FER: variants seen among roughly 807,000 people sequenced by gnomAD.
FER encodes the protein FER tyrosine kinase.
A neutral mutation model predicts 111.0 loss-of-function variants in FER; 63 were observed. The ratio of observed to expected loss-of-function variants is 0.57; its 90% CI spans 0.46 to 0.70. FER has a LOEUF of 0.70. Among genes scored for constraint, FER ranks in the 30% least tolerant of loss-of-function variants. FER has a pLI of 0.00. For missense variants in FER, 914 were observed against 954.0 expected, an observed-to-expected ratio of 0.96 and a Z score of 0.55; for synonymous variants, 327 against 313.9, an observed-to-expected ratio of 1.04 and a Z score of -0.44.
chr5:109,092,751 T>C (rs958420392), intron 16 of FER, among the ~76,000 whole-genome samples: 2 of 152,284 alleles, frequency 1.3e-5, no homozygotes, highest in Middle Eastern at 3.4e-3. Flanking sequence ...GCCATCCCAT[T>C]TCTGGATATA....
At chr5:109,098,231 A>C (rs1279632460) in intron 16 of FER, among the ~76,000 whole-genome samples, 1 of 151,830 alleles carries the variant, frequency 6.6e-6, no homozygotes, top group East Asian at 1.9e-4. Context: ...TTAATATATT[A>C]TGTACTATTA....
intron 2 of FER, among the ~76,000 whole-genome samples, chr5:108,769,897 T>C (rs143469595): frequency 1.3e-5 from 2 of 152,306 alleles, no homozygotes; most frequent in African/African-American, 4.8e-5. Flanking sequence ...ATTTGTAATA[T>C]ATACTAGTTA....
intron 2 of FER, among the ~76,000 whole-genome samples, chr5:108,789,493 A>C (rs1755110143): frequency 6.6e-6 from 1 of 151,968 alleles, no homozygotes; most frequent in Admixed American, 6.6e-5. Flanking sequence ...TGCCATTTCT[A>C]AGAAATTTTC....
intron 2 of FER, among the ~76,000 whole-genome samples, chr5:108,775,068 G>A (rs1435062297): frequency 6.6e-6 from 1 of 151,928 alleles, no homozygotes; most frequent in African/African-American, 2.4e-5. Context: ...TAATTTTTTT[G>A]TAGGGTGTAA....
At chr5:109,150,926 TGTTAA>T (rs1414002018) in intron 17 of FER, among the ~76,000 whole-genome samples, 2 of 152,130 alleles carry the variant, frequency 1.3e-5, no homozygotes, top group Non-Finnish European at 2.9e-5. Context: ...TACTAAATAA[TGTTAA>T]GTTAATCAAA....
intron 13 of FER, among the ~76,000 whole-genome samples, chr5:108,989,988 G>C (rs1333667446): frequency 6.6e-6 from 1 of 151,702 alleles, no homozygotes; most frequent in Admixed American, 6.6e-5. Context: ...AATACTTTTT[G>C]TGTCCCCCTA....
At chr5:108,752,974 G>A (rs1169220602) in intron 1 of FER, among the ~76,000 whole-genome samples, 2 of 151,460 alleles carry the variant, frequency 1.3e-5, no homozygotes, top group African/African-American at 4.9e-5. Context: ...TCAGATAATC[G>A]GGTTTTAGTT....
chr5:109,067,635 T>C (rs1775272810), intron 16 of FER, among the ~76,000 whole-genome samples: 2 of 152,170 alleles, frequency 1.3e-5, no homozygotes, highest in Admixed American at 1.3e-4. Flanking sequence ...CCTTGATAAT[T>C]AGTTTTCTAA....
intron 17 of FER, among the ~76,000 whole-genome samples, chr5:109,125,958 A>G (rs986257902): frequency 6.6e-6 from 1 of 151,972 alleles, no homozygotes; most frequent in African/African-American, 2.4e-5. Context: ...TGCTACATCC[A>G]CAGATGGCTG....
intron 16 of FER, among the ~76,000 whole-genome samples, chr5:109,072,525 T>C (rs755961458): frequency 6.6e-6 from 1 of 151,928 alleles, no homozygotes; most frequent in African/African-American, 2.4e-5. Flanking sequence ...TGAAATCTTA[T>C]GCCTTAATCA....
intron 13 of FER, among the ~76,000 whole-genome samples, chr5:109,009,454 A>G (rs539708753): frequency 6.6e-6 from 1 of 152,138 alleles, no homozygotes; most frequent in South Asian, 2.1e-4. Context: ...AAAAGCCTCT[A>G]CCCCTGACCA....
At chr5:109,042,408 T>C (rs184967837) in intron 14 of FER, among the ~76,000 whole-genome samples, 16 of 152,274 alleles carry the variant, frequency 1.1e-4, no homozygotes, top group Admixed American at 9.8e-4. Context: ...CGTTGAATGA[T>C]GATTGAATGA....
At chr5:108,908,720 C>CAAA (rs534004723) in intron 10 of FER, among the ~76,000 whole-genome samples, 2 of 69,640 alleles carry the variant, frequency 2.9e-5, no homozygotes, top group African/African-American at 4.3e-5. Flanking sequence ...GACTCCGTCT[C>CAAA]AAAAAAAAAA....
At chr5:108,805,773 T>A (rs1271843347) in intron 3 of FER, among the ~76,000 whole-genome samples, 6 of 152,134 alleles carry the variant, frequency 3.9e-5, no homozygotes, top group Non-Finnish European at 8.8e-5. Flanking sequence ...AGAAGAAATT[T>A]CTAAGCAGCA....
chr5:108,868,118 G>A (rs954702813), intron 6 of FER, among the ~76,000 whole-genome samples, 168 bp downstream of exon 6: 23 of 152,014 alleles, frequency 1.5e-4, no homozygotes, highest in African/African-American at 4.3e-4. Flanking sequence ...TTCAGTTTGT[G>A]CTTATCCCCT....
At chr5:108,828,560 A>G (rs1046640835) in intron 3 of FER, among the ~76,000 whole-genome samples, 1 of 152,098 alleles carries the variant, frequency 6.6e-6, no homozygotes, top group South Asian at 2.1e-4. Context: ...CCGTTTTGCA[A>G]ATTTTAACAG....
intron 2 of FER, among the ~76,000 whole-genome samples, chr5:108,797,498 G>T (rs1756163961): frequency 6.6e-6 from 1 of 152,134 alleles, no homozygotes; most frequent in African/African-American, 2.4e-5. Flanking sequence ...TCCTGGTTTT[G>T]CTTTCTGCTG....
intron 8 of FER, among the ~76,000 whole-genome samples, chr5:108,879,693 TA>T (rs59305064): frequency 0.039 from 4,517 of 116,622 alleles, 248 homozygotes; most frequent in Admixed American, 0.069. Flanking sequence ...TTTTTTAGAT[TA>T]AAAAAAAATA....
chr5:108,866,661 G>T (rs1450139263), intron 5 of FER, among the ~76,000 whole-genome samples: 1 of 151,342 alleles, frequency 6.6e-6, no homozygotes, highest in African/African-American at 2.4e-5. Flanking sequence ...AGTTACAAAA[G>T]AATGCAAATA....
Sources: allele counts gnomAD v4.1 joint callset (sites outside exome capture counted in the v4.1 genomes callset), GRCh38; gene constraint gnomAD v4.1.1; transcripts MANE v1.5; gene names NCBI Gene and HGNC (gene_info 2026-07-23, HGNC 2026-07-21).